CREB5: variants seen among roughly 807,000 people sequenced by gnomAD.
CREB5 encodes cAMP responsive element binding protein 5.
CREB5 carries 19 observed loss-of-function variants against 57.1 expected under a neutral mutation model. The ratio of observed to expected loss-of-function variants is 0.33; its 90% CI spans 0.23 to 0.49. CREB5 has a LOEUF of 0.49. CREB5 is among the 20% of genes least tolerant of loss of function. The pLI is 0.99. For synonymous variants in CREB5, 238 were observed against 238.3 expected (o/e 1.00, Z 0.01); for missense variants, 579 against 671.6 (o/e 0.86, Z 1.52).
chr7:28,564,920 T>G (rs1043165362), intron 4 of CREB5, among the ~76,000 whole-genome samples: 1 of 148,788 alleles, frequency 6.7e-6, no homozygotes, highest in African/African-American at 2.6e-5. Flanking sequence ...TCATAAAATA[T>G]AACATAGGAA....
At chr7:28,557,851 C>T (rs1342349310) in intron 4 of CREB5, among the ~76,000 whole-genome samples, 2 of 152,246 alleles carry the variant, frequency 1.3e-5, no homozygotes, top group Non-Finnish European at 2.9e-5. Flanking sequence ...AATGAAATCA[C>T]AGTGGTAATA....
At chr7:28,522,074 A>G (rs561760785) in intron 4 of CREB5, among the ~76,000 whole-genome samples, 4 of 152,184 alleles carry the variant, frequency 2.6e-5, no homozygotes, top group Admixed American at 6.5e-5. Context: ...CCCGTTCATC[A>G]TAGCAATCCT....
chr7:28,596,724 A>T (rs1478982027), intron 5 of CREB5, among the ~76,000 whole-genome samples: 1 of 152,196 alleles, frequency 6.6e-6, no homozygotes, highest in African/African-American at 2.4e-5. Context: ...CATCCCTAAA[A>T]TGTGGATAAG....
At chr7:28,352,257 G>A (rs1786208715) in intron 1 of CREB5, among the ~76,000 whole-genome samples, 1 of 152,186 alleles carries the variant, frequency 6.6e-6, no homozygotes, top group African/African-American at 2.4e-5. Context: ...TGCCTGAGCA[G>A]TGTTGGGAAT....
chr7:28,533,910 A>G (rs1793845618), intron 4 of CREB5, among the ~76,000 whole-genome samples: 1 of 152,208 alleles, frequency 6.6e-6, no homozygotes, highest in Non-Finnish European at 1.5e-5. Flanking sequence ...CCAAGTGTAA[A>G]CATGAGTCAG....
chr7:28,461,808 T>C (rs745882846), intron 1 of CREB5, among the ~76,000 whole-genome samples: 8 of 152,136 alleles, frequency 5.3e-5, no homozygotes, highest in Admixed American at 3.9e-4. Context: ...TGTAAATCCA[T>C]TGTCATTTTT....
intron 7 of CREB5, among the ~76,000 whole-genome samples, chr7:28,743,660 T>C (rs1310239785): frequency 6.6e-6 from 1 of 152,046 alleles, no homozygotes; most frequent in Admixed American, 6.6e-5. Context: ...TTCTCCAGTC[T>C]CAAAATTCTG....
intron 1 of CREB5, among the ~76,000 whole-genome samples, chr7:28,407,010 G>A (rs1018693390): frequency 6.6e-6 from 1 of 151,406 alleles, no homozygotes; most frequent in East Asian, 1.9e-4. Context: ...TGCTTCCATA[G>A]TACTTGCCCT....
At position 28,822,987 on chromosome 7, in the gene CREB5, C is replaced by G. The variant is rs1207785065; in HGVS notation, c.*3708C>G. On this transcript the variant is annotated 3_prime_UTR_variant, in exon 11 of 11. Transcript: ENST00000357727. ...AGGGTGACTTAGAGCAAATACTCTT[C>G]AGATCCTATGTAGTCAGTGAAACAA... The G allele has an allele frequency of 6.6e-6, 1 of 152,592 alleles. No homozygotes were observed. The allele number at this position is 152,592 out of a possible 1,614,324, so 9.5% of individuals were successfully genotyped here.
At chr7:28,373,445 CT>C (rs10713296) in intron 1 of CREB5, among the ~76,000 whole-genome samples, 100,788 of 136,072 alleles carry the variant, frequency 0.74, 37,013 homozygotes, top group East Asian at 0.99. Context: ...TTTCTTTTTT[CT>C]TTTTTTTTTT....
chr7:28,472,268 T>C (rs921880606), intron 1 of CREB5, among the ~76,000 whole-genome samples: 1 of 152,236 alleles, frequency 6.6e-6, no homozygotes, highest in Middle Eastern at 3.4e-3. Context: ...AGAAAAGTAG[T>C]TTTATTATTA....
At chr7:28,662,448 C>T (rs1015732155) in intron 5 of CREB5, among the ~76,000 whole-genome samples, 2 of 152,182 alleles carry the variant, frequency 1.3e-5, no homozygotes, top group Non-Finnish European at 2.9e-5. Flanking sequence ...GTGCTTGCCT[C>T]GGCAGGAAAT....
intron 1 of CREB5, among the ~76,000 whole-genome samples, chr7:28,303,508 T>A (rs1305033666): frequency 1.3e-5 from 2 of 152,248 alleles, no homozygotes; most frequent in African/African-American, 4.8e-5. Context: ...TACCTCTGGT[T>A]TTCTAACTTT....
At chr7:28,445,659 C>T (rs1228434470) in intron 1 of CREB5, among the ~76,000 whole-genome samples, 1 of 152,050 alleles carries the variant, frequency 6.6e-6, no homozygotes, top group Non-Finnish European at 1.5e-5. Flanking sequence ...TCACGCCATT[C>T]TCCTGCCTCA....
At chr7:28,784,062 A>T (rs1157548087) in intron 7 of CREB5, among the ~76,000 whole-genome samples, 1 of 152,248 alleles carries the variant, frequency 6.6e-6, no homozygotes, top group Non-Finnish European at 1.5e-5. Context: ...GGTGATGAAC[A>T]GTAATGACTG....
At chr7:28,415,253 C>A (rs1043471301) in intron 1 of CREB5, among the ~76,000 whole-genome samples, 5 of 152,022 alleles carry the variant, frequency 3.3e-5, no homozygotes, top group African/African-American at 9.7e-5. Flanking sequence ...GATGGTAGGG[C>A]TAGGGGAGGG....
At chr7:28,595,983 C>T (rs944302450) in intron 5 of CREB5, among the ~76,000 whole-genome samples, 6 of 152,174 alleles carry the variant, frequency 3.9e-5, no homozygotes, top group African/African-American at 1.4e-4. Context: ...TTTCATCGTG[C>T]TTACCATAGC....
At chr7:28,567,543 C>A (rs905674793) in intron 4 of CREB5, among the ~76,000 whole-genome samples, 2 of 152,148 alleles carry the variant, frequency 1.3e-5, no homozygotes, top group Admixed American at 6.5e-5. Context: ...CTGGGCTTAC[C>A]GTCTAGGGGA....
chr7:28,515,662 C>T (rs1294505166), intron 4 of CREB5, among the ~76,000 whole-genome samples: 1 of 152,126 alleles, frequency 6.6e-6, no homozygotes, highest in Admixed American at 6.5e-5. Flanking sequence ...CGTTCCACTC[C>T]TTAGGTCCAA....
Sources: allele counts gnomAD v4.1 joint callset (sites outside exome capture counted in the v4.1 genomes callset), GRCh38; gene constraint gnomAD v4.1.1; transcripts MANE v1.5; gene names NCBI Gene and HGNC (gene_info 2026-07-23, HGNC 2026-07-21).